PCNX1: variants seen among roughly 807,000 people sequenced by gnomAD.
The protein encoded by PCNX1 is pecanex 1.
In PCNX1, 78 loss-of-function variants were observed where a neutral mutation model predicts 242.2. The observed-to-expected ratio is 0.32, with a 90% CI of 0.27 to 0.39. The LOEUF (loss-of-function observed/expected upper bound fraction) is 0.39. Among genes scored for constraint, PCNX1 ranks in the 10% least tolerant of loss-of-function variants. The pLI is 1.00. For synonymous variants in PCNX1, 1,024 were observed against 1,032.9 expected, an observed-to-expected ratio of 0.99 and a Z score of 0.17; for missense variants, 2,581 against 2,856.5, an observed-to-expected ratio of 0.90 and a Z score of 2.20.
At chr14:70,960,628 C>CA (rs1429733211) in intron 2 of PCNX1, among the ~76,000 whole-genome samples, 2 of 151,950 alleles carry the variant, frequency 1.3e-5, no homozygotes, top group Non-Finnish European at 2.9e-5. Flanking sequence ...GCCCTCTCAC[C>CA]ACTCCTATTC....
rs147098774 is a variant in PCNX1 at position 71,096,904 on chromosome 14, A to G, written c.5590-5086A>G. On this transcript the variant is annotated intron_variant, in intron 30 of 35. Coordinates refer to ENST00000304743, the MANE Select transcript of PCNX1 (RefSeq NM_014982.3). ...AATTCTAGCCTTAGCTGGGTTCTAG[A>G]AGAAGCTGTGGAGTTAGCAGTATCT... 4.2e-3 allele frequency among the ~76,000 whole-genome samples: 646 copies of G among 152,280 alleles called. 5 individuals are homozygous for G. Among genetic ancestry groups the G allele is most frequent in the Non-Finnish European group, 6.9e-3 (471 of 68,024 alleles).
chr14:70,923,567 A>G (rs2140107016), intron 1 of PCNX1, among the ~76,000 whole-genome samples: 1 of 152,300 alleles, frequency 6.6e-6, no homozygotes, highest in South Asian at 2.1e-4. Context: ...AGAAACCACT[A>G]TGAACAGTTT....
rs141883113 is a variant in PCNX1, at chr14:70,977,159, T to C, written c.822T>C (p.Tyr274=). 1.5e-4 allele frequency: 238 copies of C among 1,614,098 alleles called. No homozygotes were observed. In the East Asian group the frequency reaches 3.1e-3, roughly 21 times the overall value. ...TTGTACCTTTACACTCACACTCTTA[T>C]AGAAAAGACCACCGGCCGCGAGGTG... is the stretch of plus-strand genomic sequence containing the variant. The part of the protein sequence containing the change: ...ASLVPLHSHS[Y]RKDHRPRGVP... The change falls in exon 6 of 36, where the codon TAT becomes TAC. Residue 274 remains tyrosine (Y), a synonymous_variant. Coordinates refer to ENST00000304743, the MANE Select transcript of PCNX1 (RefSeq NM_014982.3).
At chr14:70,949,196 A>AAATAAAAT (rs74200764) in intron 2 of PCNX1, among the ~76,000 whole-genome samples, 1,686 of 143,114 alleles carry the variant, frequency 0.012, 42 homozygotes, top group African/African-American at 0.041. Context: ...ATTTACTCAT[A>AAATAAAAT]GTGTGTATAT....
At chr14:70,997,039 G>T (rs180897785) in intron 8 of PCNX1, among the ~76,000 whole-genome samples, 24 of 152,226 alleles carry the variant, frequency 1.6e-4, no homozygotes, top group Admixed American at 1.6e-3. Context: ...TAAATAAAAT[G>T]AGAAAGCAAT....
At chr14:70,910,966 C>T (rs187813824) in intron 1 of PCNX1, among the ~76,000 whole-genome samples, 1 of 152,208 alleles carries the variant, frequency 6.6e-6, no homozygotes, top group Admixed American at 6.5e-5. Flanking sequence ...GAACCCTAGA[C>T]CAGGGGTGGT....
At position 71,110,592 on chromosome 14, in the gene PCNX1, C is replaced by A. The variant is rs1041240370; in HGVS notation, c.*657C>A. 1.3e-5 allele frequency: 2 copies of A among 152,522 alleles called. No individual in the cohort carries two copies. The highest frequency in any genetic ancestry group is 1.5e-5 in the Non-Finnish European group (1 of 68,282). 9.4% of individuals were successfully genotyped at this position (152,522 alleles called of 1,614,324 possible). A position where few individuals can be genotyped will look rare whatever the true frequency, so the allele number is the denominator to read the frequency against. ...TATTTAAATTGCCTTTGGGATTAGC[C>A]CCTTCCCTTTCCTTATAAACACAGG... On this transcript the variant is annotated 3_prime_UTR_variant, in exon 36 of 36. Transcript: ENST00000304743.
At chr14:71,093,035 C>G (rs2062177212) in intron 30 of PCNX1, 1 of 152,206 alleles carries the variant, frequency 6.6e-6, no homozygotes. Context: ...GATAACATCT[C>G]TAATTCAGCC....
chr14:71,002,876 A>G (rs1204473233), intron 8 of PCNX1, among the ~76,000 whole-genome samples: 1 of 152,116 alleles, frequency 6.6e-6, no homozygotes, highest in African/African-American at 2.4e-5. Context: ...CTTTCTTGCC[A>G]ACATTTGCTT....
chr14:70,959,464 G>A (rs1163734622), intron 2 of PCNX1, among the ~76,000 whole-genome samples: 3 of 144,784 alleles, frequency 2.1e-5, no homozygotes, highest in African/African-American at 7.7e-5. Context: ...CCACCTATGA[G>A]TGAGAATATG....
At chr14:70,923,904 T>A (rs1169513257) in intron 1 of PCNX1, among the ~76,000 whole-genome samples, 2 of 152,248 alleles carry the variant, frequency 1.3e-5, no homozygotes, top group Middle Eastern at 3.4e-3. Flanking sequence ...TAGGATTGCT[T>A]TGTCAAAGGG....
At chr14:70,928,137 A>C (rs888392930) in intron 1 of PCNX1, among the ~76,000 whole-genome samples, 3 of 152,118 alleles carry the variant, frequency 2.0e-5, no homozygotes, top group Non-Finnish European at 4.4e-5. Context: ...GTGCTTGCTT[A>C]TTATACTACG....
rs192128989 is a variant in PCNX1 at position 70,910,283 on chromosome 14, C to T, written c.153+2280C>T. ...TCAGGCCATCATCATTCCCTTGGTT[C>T]GTCACCATTCTCTCTCCTGGATTAT... On this transcript the variant is annotated intron_variant, in intron 1 of 35. Transcript: ENST00000304743. Among the ~76,000 whole-genome samples the T allele has an allele frequency of 6.1e-5, 8 of 130,490 alleles. No individual in the cohort carries two copies. The East Asian group carries it at 1.6e-3, about 26-fold the overall frequency. 85.6% of individuals were successfully genotyped at this position (130,490 alleles called of 152,430 possible).
At position 70,988,488 on chromosome 14, in the gene PCNX1, G is replaced by A. The variant is rs1472742502; in HGVS notation, c.2312-79G>A. On this transcript the variant is annotated intron_variant, in intron 6 of 35. Transcript: ENST00000304743. ...TTCACTTTACCCATGAGGGTGGGAA[G>A]TCAAGGGAAAGCCAGGCTCAGCTGC... The A allele has an allele frequency of 3.3e-6, 5 of 1,503,944 alleles. No homozygotes were observed. The Admixed American group carries it at 5.3e-5, about 16-fold the overall frequency. The allele number at this position is 1,503,944 out of a possible 1,614,324, so 93.2% of individuals were successfully genotyped here.
intron 1 of PCNX1, among the ~76,000 whole-genome samples, chr14:70,916,984 C>T (rs756972850): frequency 2.0e-5 from 3 of 152,154 alleles, no homozygotes; most frequent in Non-Finnish European, 4.4e-5. Flanking sequence ...GTGTTCACAG[C>T]GTCTTCGCCA....
At chr14:70,994,086 G>A (rs1164562973) in intron 7 of PCNX1, among the ~76,000 whole-genome samples, 1 of 152,052 alleles carries the variant, frequency 6.6e-6, no homozygotes, top group African/African-American at 2.4e-5. Flanking sequence ...TATGTTGTGT[G>A]CATTCCTATC....
chr14:70,953,870 G>T (rs1367254256), intron 2 of PCNX1, among the ~76,000 whole-genome samples: 2 of 151,864 alleles, frequency 1.3e-5, no homozygotes, highest in Non-Finnish European at 2.9e-5. Flanking sequence ...GTCTCACCAT[G>T]TTGGCCAGGC....
At chr14:70,982,905 T>TA (rs1375244460) in intron 6 of PCNX1, among the ~76,000 whole-genome samples, 8 of 152,238 alleles carry the variant, frequency 5.3e-5, no homozygotes, top group Non-Finnish European at 1.2e-4. Flanking sequence ...AAAACAGGAA[T>TA]AATAACCGTC....
chr14:70,930,775 TG>T (rs2056766242), intron 1 of PCNX1, among the ~76,000 whole-genome samples: 1 of 151,900 alleles, frequency 6.6e-6, no homozygotes, highest in African/African-American at 2.4e-5. Flanking sequence ...TAGAATATTA[TG>T]TTTTTTTTTT....
Sources: gnomAD v4.1 joint callset for allele counts (sites outside exome capture counted in the v4.1 genomes callset) on GRCh38, gnomAD v4.1.1 for gene constraint, MANE v1.5 for transcripts, NCBI Gene and HGNC (gene_info 2026-07-23, HGNC 2026-07-21) for gene names.